The following PPARGC1A variants were observed in gnomAD, a reference collection of about 807,000 sequenced individuals.
PPARGC1A encodes the protein PPARG coactivator 1 alpha, also known as peroxisome proliferator-activated receptor gamma coactivator 1-alpha.
A neutral mutation model predicts 88.7 loss-of-function variants in PPARGC1A; 25 were observed. The ratio of observed to expected loss-of-function variants is 0.28; its 90% CI spans 0.21 to 0.39. The LOEUF is 0.39. Ranked by LOEUF, PPARGC1A falls within the 10% of genes least tolerant of loss-of-function variation. PPARGC1A has a pLI of 1.00. For missense variants in PPARGC1A, 880 were observed against 968.7 expected, an observed-to-expected ratio of 0.91 and a Z score of 1.22; for synonymous variants, 363 against 355.6, an observed-to-expected ratio of 1.02 and a Z score of -0.24.
the PPARGC1A span, among the ~76,000 whole-genome samples, chr4:24,014,558 G>T: frequency 2.6e-5 from 4 of 152,156 alleles, no homozygotes; most frequent in Non-Finnish European, 4.4e-5. Context: ...GCCAGCCTGT[G>T]TTCTCATCTG....
chr4:23,945,830 G>A, the PPARGC1A span, among the ~76,000 whole-genome samples: 17 of 152,084 alleles, frequency 1.1e-4, no homozygotes, highest in Admixed American at 1.1e-3. Context: ...AAGGAAAGAG[G>A]AACAAAAGAA....
At chr4:24,428,229 G>A in the PPARGC1A span, among the ~76,000 whole-genome samples, 47,928 of 151,848 alleles carry the variant, frequency 0.32, 7,863 homozygotes, top group African/African-American at 0.35. Flanking sequence ...CCTGATATTC[G>A]CACGCATCCC....
the PPARGC1A span, among the ~76,000 whole-genome samples, chr4:24,216,601 T>A: frequency 6.6e-6 from 1 of 152,096 alleles, no homozygotes; most frequent in South Asian, 2.1e-4. Context: ...TGTTCTTGCT[T>A]TTGATTTTCT....
the PPARGC1A span, among the ~76,000 whole-genome samples, chr4:24,417,745 T>C: frequency 6.6e-6 from 1 of 152,176 alleles, no homozygotes; most frequent in Admixed American, 6.5e-5. Context: ...TTATATTGAG[T>C]TCAGAAGCAA....
chr4:24,021,137 T>C, the PPARGC1A span, among the ~76,000 whole-genome samples: 2 of 152,200 alleles, frequency 1.3e-5, no homozygotes, highest in Non-Finnish European at 2.9e-5. Flanking sequence ...CAAGCAGTGT[T>C]CCCCTCCTCT....
chr4:24,097,518 T>C, the PPARGC1A span, among the ~76,000 whole-genome samples: 1 of 152,184 alleles, frequency 6.6e-6, no homozygotes, highest in East Asian at 1.9e-4. Flanking sequence ...TTACTTCTGT[T>C]TTTGGTTTTT....
At chr4:24,339,231 T>TACACACACACACAC in the PPARGC1A span, among the ~76,000 whole-genome samples, 1 of 121,354 alleles carries the variant, frequency 8.2e-6, no homozygotes, top group Admixed American at 8.1e-5. Context: ...TATATATATA[T>TACACACACACACAC]ATATATACAC....
upstream of PPARGC1A, chr4:23,903,855 T>A (rs998035851): frequency 1.1e-5 from 2 of 179,196 alleles, no homozygotes; most frequent in Non-Finnish European, 2.2e-5. Flanking sequence ...TTTTTAGCAA[T>A]CTACACACAA....
chr4:24,421,118 C>T, the PPARGC1A span, among the ~76,000 whole-genome samples: 1 of 152,060 alleles, frequency 6.6e-6, no homozygotes, highest in Admixed American at 6.5e-5. Flanking sequence ...GCGACATGCA[C>T]ACTCAGATCA....
At chr4:23,944,086 T>C in the PPARGC1A span, among the ~76,000 whole-genome samples, 1 of 152,158 alleles carries the variant, frequency 6.6e-6, no homozygotes, top group Admixed American at 6.5e-5. Context: ...GAAATCTGAT[T>C]AAAAGTAGAG....
At chr4:24,307,360 TAATA>T in the PPARGC1A span, among the ~76,000 whole-genome samples, 1 of 152,258 alleles carries the variant, frequency 6.6e-6, no homozygotes, top group South Asian at 2.1e-4. Context: ...ATCTACACTG[TAATA>T]TATATTGCAA....
chr4:24,471,027 C>T, the PPARGC1A span, among the ~76,000 whole-genome samples: 1 of 151,072 alleles, frequency 6.6e-6, no homozygotes, highest in African/African-American at 2.4e-5. The surrounding 1 kb of genome is among the most constrained non-coding windows in gnomAD (Gnocchi z 5.4). Context: ...CGGGAGGGAG[C>T]GCGCCAGCGC....
At chr4:23,845,661 G>C (rs1402924752) in intron 2 of PPARGC1A, among the ~76,000 whole-genome samples, 2 of 152,106 alleles carry the variant, frequency 1.3e-5, no homozygotes, top group Non-Finnish European at 2.9e-5. Context: ...CTTAGAGCTT[G>C]GGATTGGGTC....
At chr4:24,007,558 CAG>C in the PPARGC1A span, among the ~76,000 whole-genome samples, 25,104 of 152,028 alleles carry the variant, frequency 0.17, 2,133 homozygotes, top group South Asian at 0.19. Flanking sequence ...GAGGAAGTGA[CAG>C]AGGTTGAAGG....
the PPARGC1A span, among the ~76,000 whole-genome samples, chr4:23,971,247 G>A: frequency 6.6e-6 from 1 of 152,054 alleles, no homozygotes; most frequent in African/African-American, 2.4e-5. Flanking sequence ...TACATTTAAG[G>A]TAATAGTAAT....
chr4:24,304,587 T>C, the PPARGC1A span, among the ~76,000 whole-genome samples: 1 of 152,180 alleles, frequency 6.6e-6, no homozygotes, highest in African/African-American at 2.4e-5. Flanking sequence ...CCAGAGTCTA[T>C]ACCTGTAACC....
At chr4:24,328,729 TC>T in the PPARGC1A span, among the ~76,000 whole-genome samples, 2 of 152,160 alleles carry the variant, frequency 1.3e-5, no homozygotes, top group Non-Finnish European at 2.9e-5. Flanking sequence ...CATCCCAATC[TC>T]TAAGAAATCC....
chr4:24,053,724 A>G, the PPARGC1A span, among the ~76,000 whole-genome samples: 1 of 152,212 alleles, frequency 6.6e-6, no homozygotes, highest in African/African-American at 2.4e-5. Context: ...CCTCATTTGT[A>G]GTATGGGGAT....
chr4:24,451,927 T>A, the PPARGC1A span, among the ~76,000 whole-genome samples: 1 of 152,206 alleles, frequency 6.6e-6, no homozygotes, highest in Non-Finnish European at 1.5e-5. Context: ...GCCCAGATAT[T>A]TGGTCAAACA....
Sources: gnomAD v4.1 joint callset for allele counts (sites outside exome capture counted in the v4.1 genomes callset) on GRCh38, gnomAD v4.1.1 for gene constraint, Gnocchi (gnomAD v3.1) non-coding constraint, MANE v1.5 for transcripts, NCBI Gene and HGNC (gene_info 2026-07-23, HGNC 2026-07-21) for gene names.